IQCJ: variants seen among roughly 807,000 people sequenced by gnomAD.
IQCJ encodes IQ motif containing J, also known as IQ domain-containing protein J.
A neutral mutation model predicts 11.0 loss-of-function variants in IQCJ; 9 were observed. The ratio of observed to expected loss-of-function variants is 0.82; its 90% CI spans 0.49 to 1.43. The LOEUF is 1.43. IQCJ is among the 40% of genes most tolerant of loss of function. The pLI is 0.00. For synonymous variants in IQCJ, 55 were observed against 51.3 expected (o/e 1.07, Z -0.31); for missense variants, 146 against 133.2 (o/e 1.10, Z -0.47).
chr3:159,076,532 C>G (rs1162519592), intron 1 of IQCJ, among the ~76,000 whole-genome samples: 3 of 152,038 alleles, frequency 2.0e-5, no homozygotes, highest in Non-Finnish European at 4.4e-5. Flanking sequence ...ATTATGACAA[C>G]TAGTTCCTAA....
At chr3:159,163,209 A>C (rs188277285) in intron 1 of IQCJ, among the ~76,000 whole-genome samples, 69 of 152,340 alleles carry the variant, frequency 4.5e-4, no homozygotes, top group African/African-American at 1.6e-3. Context: ...GCAGCACATC[A>C]AAAAGCTTAT....
At chr3:159,262,024 C>T (rs1293036105) in intron 3 of IQCJ, among the ~76,000 whole-genome samples, 1 of 152,194 alleles carries the variant, frequency 6.6e-6, no homozygotes, top group Non-Finnish European at 1.5e-5. Context: ...GCAGACTGTG[C>T]TGCACATCAC....
intron 1 of IQCJ, among the ~76,000 whole-genome samples, chr3:159,101,779 G>A (rs1717943603): frequency 6.6e-6 from 1 of 152,136 alleles, no homozygotes; most frequent in African/African-American, 2.4e-5. Flanking sequence ...TTAATGTCAA[G>A]ACCCCAGCCC....
At chr3:159,116,438 G>A (rs1719003064) in intron 1 of IQCJ, among the ~76,000 whole-genome samples, 1 of 151,620 alleles carries the variant, frequency 6.6e-6, no homozygotes, top group South Asian at 2.1e-4. Context: ...CTCAGCAGTG[G>A]CTGTATTTTC....
At chr3:159,265,683 A>G (rs982189328), downstream of IQCJ, 5 of 262,266 alleles carry the variant, frequency 1.9e-5, no homozygotes, top group Admixed American at 4.7e-5. Context: ...ATCTTCTCAT[A>G]TCTGATCAAC....
chr3:159,130,852 G>A (rs58507776), intron 1 of IQCJ, among the ~76,000 whole-genome samples: 38,413 of 152,064 alleles, frequency 0.25, 5,929 homozygotes, highest in South Asian at 0.4. Flanking sequence ...TAGAAATATA[G>A]TTTTTTTGTT....
intron 1 of IQCJ, among the ~76,000 whole-genome samples, chr3:159,151,750 C>T (rs1252199860): frequency 6.6e-6 from 1 of 152,212 alleles, no homozygotes; most frequent in Non-Finnish European, 1.5e-5. Context: ...TTTCTCCTGC[C>T]TCAGCCTCCT....
At chr3:159,141,069 A>G (rs1720573488) in intron 1 of IQCJ, among the ~76,000 whole-genome samples, 1 of 152,218 alleles carries the variant, frequency 6.6e-6, no homozygotes, top group Non-Finnish European at 1.5e-5. Context: ...CCTATTCAGC[A>G]AGACACATAA....
chr3:159,213,165 G>A (rs1414852787), intron 1 of IQCJ, among the ~76,000 whole-genome samples: 3 of 152,144 alleles, frequency 2.0e-5, no homozygotes, highest in Non-Finnish European at 2.9e-5. Flanking sequence ...AATGCCATAT[G>A]TGTCGCAGCC....
intron 1 of IQCJ, among the ~76,000 whole-genome samples, chr3:159,167,893 A>C (rs1213154394): frequency 6.6e-6 from 1 of 152,226 alleles, no homozygotes; most frequent in Non-Finnish European, 1.5e-5. Context: ...GATAAAACTT[A>C]ATTCCATAGG....
At chr3:159,092,994 T>C (rs1458316987) in intron 1 of IQCJ, among the ~76,000 whole-genome samples, 1 of 151,762 alleles carries the variant, frequency 6.6e-6, no homozygotes, top group Non-Finnish European at 1.5e-5. Flanking sequence ...ATTTGGACTT[T>C]CCTTATTTCT....
intron 1 of IQCJ, among the ~76,000 whole-genome samples, chr3:159,079,211 T>A (rs1716146430): frequency 6.6e-6 from 1 of 152,140 alleles, no homozygotes; most frequent in Admixed American, 6.6e-5. Context: ...CATTTCTGAC[T>A]GAAGAGAATA....
chr3:159,265,255 C>T (rs1266754095), downstream of IQCJ: 2 of 1,613,814 alleles, frequency 1.2e-6, no homozygotes, highest in Non-Finnish European at 1.7e-6. Flanking sequence ...CCTTACATCT[C>T]TTGGAGGTTG....
intron 1 of IQCJ, among the ~76,000 whole-genome samples, chr3:159,152,117 G>A (rs555621421): frequency 1.3e-5 from 2 of 152,228 alleles, no homozygotes; most frequent in South Asian, 4.1e-4. Flanking sequence ...GAGGTGAGGT[G>A]GGCACAGCAA....
chr3:159,088,597 G>A (rs556741844), intron 1 of IQCJ, among the ~76,000 whole-genome samples: 17 of 152,274 alleles, frequency 1.1e-4, no homozygotes, highest in African/African-American at 4.1e-4. Context: ...GTGAATCTGG[G>A]TGCTCCTGTA....
intron 1 of IQCJ, among the ~76,000 whole-genome samples, chr3:159,156,095 A>C (rs1721503913): frequency 6.6e-6 from 1 of 152,126 alleles, no homozygotes; most frequent in Admixed American, 6.5e-5. Context: ...CACGTTTAGC[A>C]CTCTGTATGC....
intron 1 of IQCJ, among the ~76,000 whole-genome samples, chr3:159,181,545 A>C (rs2108015911): frequency 6.6e-6 from 1 of 151,120 alleles, no homozygotes; most frequent in East Asian, 2.0e-4. Flanking sequence ...AGGGATTTCC[A>C]CAGTCCTCTC....
intron 1 of IQCJ, among the ~76,000 whole-genome samples, chr3:159,229,942 A>T (rs1338251948): frequency 1.4e-5 from 2 of 144,506 alleles, no homozygotes; most frequent in African/African-American, 5.2e-5. Context: ...TTGATTTTAG[A>T]TACAGGGGGT....
intron 1 of IQCJ, among the ~76,000 whole-genome samples, chr3:159,224,883 G>C (rs1725758131): frequency 6.6e-6 from 1 of 152,026 alleles, no homozygotes; most frequent in Non-Finnish European, 1.5e-5. Context: ...TTTTAAATGG[G>C]AAACACAAAA....
Sources: gnomAD v4.1 joint callset for allele counts (sites outside exome capture counted in the v4.1 genomes callset) on GRCh38, gnomAD v4.1.1 for gene constraint, MANE v1.5 for transcripts, NCBI Gene and HGNC (gene_info 2026-07-23, HGNC 2026-07-21) for gene names.